The following SSBP3 variants were observed in gnomAD, a reference collection of about 807,000 sequenced individuals.
The protein encoded by SSBP3 is single stranded DNA binding protein 3, also known as single-stranded DNA-binding protein 3.
SSBP3 carries 5 observed loss-of-function variants against 69.6 expected under a neutral mutation model. The observed-to-expected ratio is 0.07, with a 90% CI of 0.04 to 0.15. The LOEUF is 0.15. Ranked by LOEUF, SSBP3 falls within the 10% of genes least tolerant of loss-of-function variation. The pLI is 1.00. For missense variants in SSBP3, 312 were observed against 534.0 expected, an observed-to-expected ratio of 0.58 and a Z score of 4.10; for synonymous variants, 196 against 193.4, an observed-to-expected ratio of 1.01 and a Z score of -0.11.
chr1:54,301,840 C>T (rs1645808151), intron 4 of SSBP3, among the ~76,000 whole-genome samples: 1 of 152,222 alleles, frequency 6.6e-6, no homozygotes, highest in African/African-American at 2.4e-5. Flanking sequence ...CTCCCGGGGC[C>T]ACCCCTGCTC....
upstream of SSBP3, among the ~76,000 whole-genome samples, chr1:54,410,210 G>C (rs1267242110): frequency 1.3e-5 from 2 of 152,234 alleles, no homozygotes; most frequent in African/African-American, 4.8e-5. Flanking sequence ...TGGGAGTGAA[G>C]ACGGAGAGGT....
At position 54,272,331 on chromosome 1, in the gene SSBP3, T is replaced by G. The variant is rs1248778667; in HGVS notation, c.366+9107A>C. On this transcript the variant is annotated intron_variant, in intron 5 of 17. Transcript: ENST00000610401. ...CCTGGGCCCAGAGCCCAGCCCAGACTCCCCTGAAGGGGAGGTTCCTCCCAC... is the reference window on the plus strand; with the variant it reads ...CCTGGGCCCAGAGCCCAGCCCAGACGCCCCTGAAGGGGAGGTTCCTCCCAC... Among the ~76,000 whole-genome samples, 4 of 151,948 alleles carry G rather than the reference T, an allele frequency of 2.6e-5. No individual in the cohort carries two copies. The East Asian group carries it at 5.8e-4, about 22-fold the overall frequency.
At chr1:54,312,259 A>G (rs1050166007) in intron 4 of SSBP3, among the ~76,000 whole-genome samples, 1 of 151,496 alleles carries the variant, frequency 6.6e-6, no homozygotes, top group African/African-American at 2.4e-5. Context: ...ACTGCACTCC[A>G]GCCTAGGTGA....
chr1:54,316,704 AT>A (rs1409468956), intron 4 of SSBP3, among the ~76,000 whole-genome samples: 2 of 110,336 alleles, frequency 1.8e-5, no homozygotes, highest in South Asian at 2.8e-4. Context: ...AAATAAATAA[AT>A]AAATAAAATA....
intron 5 of SSBP3, among the ~76,000 whole-genome samples, chr1:54,278,421 G>A (rs544378704): frequency 2.2e-4 from 33 of 152,088 alleles, no homozygotes; most frequent in South Asian, 1.7e-3. Context: ...CTCATGCCAC[G>A]GGACCAGACA....
Position 54,379,926 on chromosome 1 carries a change from A to ACT in SSBP3, c.276+21933_276+21934dup, listed in dbSNP as rs1258436153. Among the ~76,000 whole-genome samples the ACT allele has an allele frequency of 2.0e-5, 3 of 152,146 alleles. No homozygotes were observed. In the East Asian group the frequency reaches 5.8e-4, roughly 29 times the overall value. On this transcript the variant is annotated intron_variant, in intron 4 of 17. Coordinates refer to ENST00000610401, the Ensembl canonical transcript of SSBP3. ...ACGAGGCTTTCACTCTGTGCCTCAC[A>ACT]CTGGGAGCGCACTCATTTTTTGGGG...
At chr1:54,377,886 A>G (rs1019406012) in intron 4 of SSBP3, among the ~76,000 whole-genome samples, 4 of 152,204 alleles carry the variant, frequency 2.6e-5, no homozygotes, top group African/African-American at 9.6e-5. Context: ...GTATCTCTAA[A>G]TTTACATGTT....
At position 54,316,668 on chromosome 1, in the gene SSBP3, ATAAAT is replaced by A. The variant is rs1557525429; in HGVS notation, c.277-35146_277-35142del. Among the ~76,000 whole-genome samples the A allele has an allele frequency of 2.0e-3, 92 of 45,520 alleles. 8 individuals carry two copies. The highest frequency in any genetic ancestry group is 0.016 in the Middle Eastern group (2 of 126). The allele number at this position is 45,520 out of a possible 152,430, so 29.9% of individuals were successfully genotyped here. On this transcript the variant is annotated intron_variant, in intron 4 of 17. Transcript: ENST00000610401. The stretch of plus-strand genomic sequence containing the variant: ...GTCTCAAAAAAAAAAAATAAAATAA[ATAAAT>A]AAATAAATAAATAAATAAATAAATA...
At chr1:54,292,524 C>T (rs1230210093) in intron 4 of SSBP3, among the ~76,000 whole-genome samples, 1 of 152,158 alleles carries the variant, frequency 6.6e-6, no homozygotes, top group Non-Finnish European at 1.5e-5. Flanking sequence ...CCCAAGAACA[C>T]TCCTGTGTTG....
At chr1:54,313,966 G>A (rs1185543573) in intron 4 of SSBP3, among the ~76,000 whole-genome samples, 2 of 152,128 alleles carry the variant, frequency 1.3e-5, no homozygotes, top group Non-Finnish European at 2.9e-5. Context: ...GTTTCACCAT[G>A]TTATCCAGGC....
Position 54,331,910 on chromosome 1 carries a change from C to A in SSBP3, c.277-50383G>T, listed in dbSNP as rs1314920440. On this transcript the variant is annotated intron_variant, in intron 4 of 17. Transcript: ENST00000610401. ...CAGGGTCTTTCCCACCAGTCCATGT[C>A]ATCTGCCCTTCCCAACAGCTTCCAA... Among the ~76,000 whole-genome samples the A allele has an allele frequency of 2.0e-5, 3 of 152,246 alleles. No homozygotes were observed. The East Asian group carries it at 5.8e-4, about 29-fold the overall frequency.
rs1410576821 is a variant in SSBP3 at position 54,402,990 on chromosome 1, CA to C, written c.192-1046del. Among the ~76,000 whole-genome samples, 5 of 152,344 alleles carry C rather than the reference CA, an allele frequency of 3.3e-5. No individual in the cohort carries two copies. In the South Asian group the frequency reaches 1.0e-3, roughly 32 times the overall value. The stretch of plus-strand genomic sequence containing the variant: ...TCCTCGTCACAAACAGCCAGCTCTG[CA>C]AGTCATCAGACAAGCATCTCACTCA... On this transcript the variant is annotated intron_variant, in intron 3 of 17. Coordinates refer to ENST00000610401, the Ensembl canonical transcript of SSBP3.
At chr1:54,245,650 C>T (rs1053844584) in intron 9 of SSBP3, among the ~76,000 whole-genome samples, 3 of 152,170 alleles carry the variant, frequency 2.0e-5, no homozygotes, top group Non-Finnish European at 4.4e-5. Flanking sequence ...AAGAGCCAGA[C>T]CCGGAGCCAG....
At chr1:54,226,501 C>T (rs1010480076) in exon 18 of SSBP3, 2 of 152,754 alleles carry the variant, frequency 1.3e-5, no homozygotes, top group Middle Eastern at 6.3e-3. Flanking sequence ...CAAAAAAGGC[C>T]TTTTGAAAGA....
intron 5 of SSBP3, among the ~76,000 whole-genome samples, chr1:54,265,027 T>C (rs78890250): frequency 0.028 from 4,294 of 152,286 alleles, 229 homozygotes; most frequent in African/African-American, 0.098. Context: ...AGGCACTTGA[T>C]AGACAATCCA....
chr1:54,233,112 C>T (rs1221662372), intron 14 of SSBP3, among the ~76,000 whole-genome samples: 1 of 150,096 alleles, frequency 6.7e-6, no homozygotes, highest in East Asian at 2.0e-4. Context: ...TCCGCCCGGC[C>T]GCCATCCCAT....
At chr1:54,351,924 C>T (rs1018707361) in intron 4 of SSBP3, among the ~76,000 whole-genome samples, 2 of 152,234 alleles carry the variant, frequency 1.3e-5, no homozygotes, top group Admixed American at 6.5e-5. Flanking sequence ...CCAGAAGGAG[C>T]TCCTGGTGAG....
At chr1:54,397,127 G>C (rs2100793756) in intron 4 of SSBP3, among the ~76,000 whole-genome samples, 1 of 152,338 alleles carries the variant, frequency 6.6e-6, no homozygotes, top group South Asian at 2.1e-4. Context: ...CCAAGGGTCA[G>C]AGCCAAAGGC....
intron 4 of SSBP3, among the ~76,000 whole-genome samples, chr1:54,325,640 T>C (rs1400960133): frequency 6.6e-6 from 1 of 152,198 alleles, no homozygotes; most frequent in Admixed American, 6.5e-5. Flanking sequence ...GGGATTCAAT[T>C]ATTGGATTAA....
Sources: allele counts gnomAD v4.1 joint callset (sites outside exome capture counted in the v4.1 genomes callset), GRCh38; gene constraint gnomAD v4.1.1; transcripts MANE v1.5; gene names NCBI Gene and HGNC (gene_info 2026-07-23, HGNC 2026-07-21).